CUX2: variants seen among roughly 807,000 people sequenced by gnomAD.
The protein encoded by CUX2 is cut like homeobox 2.
A neutral mutation model predicts 144.8 loss-of-function variants in CUX2; 40 were observed. That is an observed-to-expected ratio of 0.28 (90% CI 0.21 to 0.36). The LOEUF is 0.36. Ranked by LOEUF, CUX2 falls within the 10% of genes least tolerant of loss-of-function variation. The pLI is 1.00. For missense variants in CUX2, 1,615 were observed against 1,994.0 expected, an observed-to-expected ratio of 0.81 and a Z score of 3.62; for synonymous variants, 827 against 875.6, an observed-to-expected ratio of 0.94 and a Z score of 0.98.
intron 1 of CUX2, among the ~76,000 whole-genome samples, chr12:111,042,255 G>A (rs1285391570): frequency 6.6e-6 from 1 of 152,180 alleles, no homozygotes; most frequent in East Asian, 1.9e-4. Context: ...CGCCGGTGTG[G>A]ACTGTGGGTG....
chr12:111,141,781 T>G (rs1190979043), intron 1 of CUX2, among the ~76,000 whole-genome samples: 2 of 152,142 alleles, frequency 1.3e-5, no homozygotes, highest in African/African-American at 4.8e-5. Context: ...GACCGTGACA[T>G]TGATGGTGAT....
At chr12:111,170,918 C>T (rs1176306839) in intron 1 of CUX2, among the ~76,000 whole-genome samples, 1 of 151,904 alleles carries the variant, frequency 6.6e-6, no homozygotes, top group South Asian at 2.1e-4. Flanking sequence ...TCCTGGGAAG[C>T]GGGAGAGATT....
At chr12:111,239,757 G>A (rs1882932479) in intron 3 of CUX2, among the ~76,000 whole-genome samples, 1 of 151,870 alleles carries the variant, frequency 6.6e-6, no homozygotes, top group Admixed American at 6.5e-5. Flanking sequence ...AGTGGGGTGG[G>A]GGAATGGCAC....
Position 111,327,370 on chromosome 12 carries a change from C to G in CUX2, c.2926+4790C>G, listed in dbSNP as rs114546514. On this transcript the variant is annotated intron_variant, in intron 18 of 21. Coordinates refer to ENST00000261726, the MANE Select transcript of CUX2 (RefSeq NM_015267.4). ...ATATTTGTGTTTGAACCCCCATTTT[C>G]AGTTCTTCGAACATATATCTAGGAG... Among the ~76,000 whole-genome samples the G allele has an allele frequency of 6.6e-4, 101 of 152,330 alleles. 1 individual carries two copies. The highest frequency in any genetic ancestry group is 2.2e-3 in the African/African-American group (93 of 41,566).
At position 111,186,093 on chromosome 12, in the gene CUX2, C is replaced by A. The variant is rs1339023847; in HGVS notation, c.64-28107C>A. Among the ~76,000 whole-genome samples, 1 of 151,964 alleles carries A rather than the reference C, an allele frequency of 6.6e-6. No individual in the cohort carries two copies. Among genetic ancestry groups the A allele is most frequent in the Non-Finnish European group, 1.5e-5 (1 of 68,010 alleles). On this transcript the variant is annotated intron_variant, in intron 1 of 21. Coordinates refer to ENST00000261726, the MANE Select transcript of CUX2 (RefSeq NM_015267.4). This position sits in a 1 kb window ranked among gnomAD's most constrained non-coding sequence, Gnocchi z 4.4. ...CTCCTGCCCTCTGTTCTGCCCTCGCCCCCTTTCTGTCTCCGTCTCACTAGA... is the reference window on the plus strand; with the variant it reads ...CTCCTGCCCTCTGTTCTGCCCTCGCACCCTTTCTGTCTCCGTCTCACTAGA...
chr12:111,035,388 G>A lies in CUX2; in HGVS notation c.63+1148G>A, dbSNP rs1869382287. On this transcript the variant is annotated intron_variant, in intron 1 of 21. Transcript: ENST00000261726. This position sits in a 1 kb window ranked among gnomAD's most constrained non-coding sequence, Gnocchi z 6.0. ...CGGGGCTGGGAGGTGGAATCTCAGA[G>A]AACGCACCGTGGAGGCGCGGCTCCG... 6.6e-6 allele frequency among the ~76,000 whole-genome samples: 1 copy of A among 152,106 alleles called. No individual in the cohort carries two copies. The highest frequency in any genetic ancestry group is 2.4e-5 in the African/African-American group (1 of 41,414).
chr12:111,169,192 G>C (rs918408717), intron 1 of CUX2, among the ~76,000 whole-genome samples: 1 of 152,190 alleles, frequency 6.6e-6, no homozygotes, highest in Non-Finnish European at 1.5e-5. Context: ...AGAAAGTCAT[G>C]TGATGACAGA....
At chr12:111,269,719 C>T (rs1230164821) in intron 4 of CUX2, among the ~76,000 whole-genome samples, 1 of 152,114 alleles carries the variant, frequency 6.6e-6, no homozygotes, top group Non-Finnish European at 1.5e-5. Flanking sequence ...ACTGTTAAAA[C>T]AGTCACAGGC....
At chr12:111,328,626 G>A (rs1186259638) in intron 18 of CUX2, among the ~76,000 whole-genome samples, 1 of 149,678 alleles carries the variant, frequency 6.7e-6, no homozygotes, top group East Asian at 2.0e-4. Context: ...GTGTGACAGA[G>A]TCTCACTCTG....
At chr12:111,258,103 G>T (rs1170136335) in intron 3 of CUX2, among the ~76,000 whole-genome samples, 3 of 152,168 alleles carry the variant, frequency 2.0e-5, no homozygotes, top group Non-Finnish European at 4.4e-5. Context: ...AGCTCATCCT[G>T]CCCCAACAGC....
Position 111,104,812 on chromosome 12 carries a change from G to A in CUX2, c.63+70572G>A, listed in dbSNP as rs138688749. 6.2e-3 allele frequency among the ~76,000 whole-genome samples: 937 copies of A among 152,314 alleles called. 17 individuals carry two copies. Among genetic ancestry groups the A allele is most frequent in the African/African-American group, 0.021 (891 of 41,568 alleles). ...CCTGCAAGTTCATGGAACACCAAGAGTCAGATTGGCCCCACCTGGTGACCT... is the reference window on the plus strand; with the variant it reads ...CCTGCAAGTTCATGGAACACCAAGAATCAGATTGGCCCCACCTGGTGACCT... On this transcript the variant is annotated intron_variant, in intron 1 of 21. Coordinates refer to ENST00000261726, the MANE Select transcript of CUX2 (RefSeq NM_015267.4).
rs548349417 is a variant in CUX2, at chr12:111,293,650, G to T, written c.560+81G>T. 6.2e-4 allele frequency: 925 copies of T among 1,498,122 alleles called. No homozygotes were observed. The highest frequency in any genetic ancestry group is 7.5e-4 in the Non-Finnish European group (843 of 1,118,032). The allele number at this position is 1,498,122 out of a possible 1,614,324, so 92.8% of individuals were successfully genotyped here. On this transcript the variant is annotated intron_variant, in intron 6 of 21. Coordinates refer to ENST00000261726, the MANE Select transcript of CUX2 (RefSeq NM_015267.4). The surrounding 1 kb of genome is among the most constrained non-coding windows in gnomAD (Gnocchi z 4.5). ...CCCACCTGGCTGGGTCGTGGACGGG[G>T]AAAGTCTCCTACCAGAATCCAGATG...
intron 16 of CUX2, among the ~76,000 whole-genome samples, chr12:111,316,833 C>G (rs1216493013): frequency 6.6e-6 from 1 of 152,146 alleles, no homozygotes; most frequent in Non-Finnish European, 1.5e-5. Context: ...CCAGTTCACA[C>G]ATGTTCATCA....
intron 3 of CUX2, among the ~76,000 whole-genome samples, chr12:111,257,195 C>T (rs948393199): frequency 6.6e-6 from 1 of 151,756 alleles, no homozygotes; most frequent in Admixed American, 6.6e-5. Context: ...CACCTCCTCC[C>T]TCTTCCCTCC....
In CUX2 at chr12:111,178,098, C is replaced by A. The variant is rs1325126255; in HGVS notation, c.64-36102C>A. On this transcript the variant is annotated intron_variant, in intron 1 of 21. Coordinates refer to ENST00000261726, the MANE Select transcript of CUX2 (RefSeq NM_015267.4). The surrounding 1 kb of genome is among the most constrained non-coding windows in gnomAD (Gnocchi z 5.7). ...AAACACTGGGTCGAGCATCTTTTTT[C>A]CAGAAACCCTGGGGTTTTCTGCAAA... 6.6e-6 allele frequency among the ~76,000 whole-genome samples: 1 copy of A among 152,160 alleles called. No homozygotes were observed. The highest frequency in any genetic ancestry group is 1.5e-5 in the Non-Finnish European group (1 of 68,032).
At chr12:111,259,883 A>G (rs1046797894) in intron 3 of CUX2, among the ~76,000 whole-genome samples, 4 of 152,022 alleles carry the variant, frequency 2.6e-5, no homozygotes, top group African/African-American at 9.7e-5. Flanking sequence ...TAACACTAGC[A>G]TTTCAAAATG....
chr12:111,230,998 C>T (rs1033853494), intron 3 of CUX2, among the ~76,000 whole-genome samples: 7 of 152,262 alleles, frequency 4.6e-5, no homozygotes, highest in Non-Finnish European at 1.0e-4. Flanking sequence ...AAGTCATGAG[C>T]ATTGAGTATG....
chr12:111,302,183 TG>T (rs1886324707), intron 9 of CUX2, among the ~76,000 whole-genome samples: 1 of 152,184 alleles, frequency 6.6e-6, no homozygotes. Context: ...GCATCCTGAT[TG>T]TCCAGGTCAT....
chr12:111,327,169 C>T (rs1357374138), intron 18 of CUX2, among the ~76,000 whole-genome samples: 2 of 152,152 alleles, frequency 1.3e-5, no homozygotes, highest in African/African-American at 4.8e-5. Flanking sequence ...AGATGGAATC[C>T]TGTACTACTT....
Sources: gnomAD v4.1 joint callset for allele counts (sites outside exome capture counted in the v4.1 genomes callset) on GRCh38, gnomAD v4.1.1 for gene constraint, Gnocchi (gnomAD v3.1) non-coding constraint, MANE v1.5 for transcripts, NCBI Gene and HGNC (gene_info 2026-07-23, HGNC 2026-07-21) for gene names.